The following SPATA13 variants were observed in gnomAD, a reference collection of about 807,000 sequenced individuals.
The protein encoded by SPATA13 is spermatogenesis associated 13, also known as spermatogenesis-associated protein 13.
Under a neutral mutation model 104.0 loss-of-function variants are expected in SPATA13, and 50 were observed. The ratio of observed to expected loss-of-function variants is 0.48; its 90% CI spans 0.38 to 0.61. SPATA13 has a LOEUF of 0.61. Ranked by LOEUF, SPATA13 falls within the 20% of genes least tolerant of loss-of-function variation. The pLI is 0.00. For missense variants in SPATA13, 1,524 were observed against 1,690.6 expected, an observed-to-expected ratio of 0.90 and a Z score of 1.73; for synonymous variants, 606 against 667.5, an observed-to-expected ratio of 0.91 and a Z score of 1.42.
At chr13:24,008,930 G>A (rs1876347956) in intron 2 of SPATA13, among the ~76,000 whole-genome samples, 1 of 152,212 alleles carries the variant, frequency 6.6e-6, no homozygotes. Flanking sequence ...GGGACCAAGT[G>A]CGGGAGGTGG....
rs923220118 is a variant in SPATA13, at chr13:24,300,489, A to C, written c.3658+14A>C. 1.4e-5 allele frequency: 23 copies of C among 1,612,762 alleles called. No homozygotes were observed. Among genetic ancestry groups the C allele is most frequent in the Non-Finnish European group, 2.0e-5 (23 of 1,178,820 alleles). On this transcript the variant is annotated intron_variant, in intron 12 of 12. Transcript: ENST00000382108. ...GAAAGTCAAAAGGTAAGTTATGGAG[A>C]AGGCTTTGTCCCCTTAATGCTTATC...
intron 3 of SPATA13, among the ~76,000 whole-genome samples, chr13:24,112,419 A>G (rs973790812): frequency 6.6e-6 from 1 of 152,342 alleles, no homozygotes; most frequent in Non-Finnish European, 1.5e-5. Context: ...ATCTCCAACC[A>G]GAACTTGAGC....
intron 1 of SPATA13, among the ~76,000 whole-genome samples, chr13:24,178,280 C>A (rs1302716006): frequency 1.3e-5 from 2 of 152,214 alleles, no homozygotes; most frequent in Non-Finnish European, 2.9e-5. Context: ...CCTCTGCCAC[C>A]TGTGAGCATG....
chr13:24,059,390 G>A (rs1042372046), intron 3 of SPATA13, among the ~76,000 whole-genome samples: 1 of 152,052 alleles, frequency 6.6e-6, no homozygotes, highest in Non-Finnish European at 1.5e-5. Context: ...CTAATGTAGA[G>A]GGAGTGCCTT....
Position 24,306,265 on chromosome 13 carries a change from G to T in SPATA13, c.*3492G>T, listed in dbSNP as rs958447973. ...GCCAGCTGAACCAGCATTTTATCAG[G>T]TGGAAATCTCTGCAAGCCAAATTGC... On this transcript the variant is annotated 3_prime_UTR_variant, in exon 13 of 13. Coordinates refer to ENST00000382108, the MANE Select transcript of SPATA13 (RefSeq NM_001166271.3). 2.6e-4 allele frequency: 39 copies of T among 152,158 alleles called. No homozygotes were observed. The highest frequency in any genetic ancestry group is 8.7e-4 in the African/African-American group (36 of 41,422). 9.4% of individuals were successfully genotyped at this position (152,158 alleles called of 1,614,324 possible). A position where few individuals can be genotyped will look rare whatever the true frequency, so the allele number is the denominator to read the frequency against.
At chr13:24,282,165 T>A (rs150798239) in intron 4 of SPATA13, among the ~76,000 whole-genome samples, 1 of 150,202 alleles carries the variant, frequency 6.7e-6, no homozygotes, top group African/African-American at 2.5e-5. Flanking sequence ...AGCATGATGG[T>A]GGGGGGTGGG....
At chr13:24,006,402 A>T (rs1876230276) in intron 2 of SPATA13, among the ~76,000 whole-genome samples, 1 of 152,234 alleles carries the variant, frequency 6.6e-6, no homozygotes, top group Admixed American at 6.5e-5. Flanking sequence ...TGTACACAGT[A>T]TAAATGAGCA....
Position 24,286,540 on chromosome 13 carries a change from G to A in SPATA13, c.2481+147G>A, listed in dbSNP as rs908961013. 28 of 1,017,948 alleles carry A rather than the reference G, an allele frequency of 2.8e-5. No homozygotes were observed. Among genetic ancestry groups the A allele is most frequent in the South Asian group, 3.5e-5 (2 of 57,528 alleles). The allele number at this position is 1,017,948 out of a possible 1,614,324, so 63.1% of individuals were successfully genotyped here. A position where few individuals can be genotyped will look rare whatever the true frequency, so the allele number is the denominator to read the frequency against. On this transcript the variant is annotated intron_variant, in intron 6 of 12. Coordinates refer to ENST00000382108, the MANE Select transcript of SPATA13 (RefSeq NM_001166271.3). This position sits in a 1 kb window ranked among gnomAD's most constrained non-coding sequence, Gnocchi z 4.9. ...CACCTGTAAGAAATTAGGCTGGGTC[G>A]GAGCAAAAATGTTAAAGGCAGGCAA...
intron 1 of SPATA13, among the ~76,000 whole-genome samples, chr13:24,180,276 T>A (rs1335458891): frequency 1.3e-5 from 2 of 152,212 alleles, no homozygotes; most frequent in Non-Finnish European, 2.9e-5. Context: ...ATGGTCTTAG[T>A]ATTCTTGTTG....
At chr13:24,238,279 C>T (rs1363349662) in intron 2 of SPATA13, among the ~76,000 whole-genome samples, 1 of 151,920 alleles carries the variant, frequency 6.6e-6, no homozygotes, top group African/African-American at 2.4e-5. Flanking sequence ...GCCTCAGCCT[C>T]TCAAGCAGCT....
chr13:24,219,662 T>C (rs1871459799), intron 1 of SPATA13, among the ~76,000 whole-genome samples: 1 of 152,122 alleles, frequency 6.6e-6, no homozygotes, highest in Non-Finnish European at 1.5e-5. Context: ...AACAATTTGA[T>C]GAGATGCCTG....
chr13:24,097,218 A>C (rs1345747518), intron 3 of SPATA13, among the ~76,000 whole-genome samples: 1 of 152,194 alleles, frequency 6.6e-6, no homozygotes, highest in Non-Finnish European at 1.5e-5. Flanking sequence ...ATGCACTGAC[A>C]GTTCACTATA....
chr13:24,295,050 A>G (rs959543505), intron 10 of SPATA13, among the ~76,000 whole-genome samples, 182 bp downstream of exon 10: 1 of 152,224 alleles, frequency 6.6e-6, no homozygotes, highest in Non-Finnish European at 1.5e-5. Context: ...CGACTACTTT[A>G]TACCCCACTC....
chr13:24,190,350 AT>A (rs796775312), intron 1 of SPATA13, among the ~76,000 whole-genome samples: 1 of 6,728 alleles, frequency 1.5e-4, no homozygotes, highest in African/African-American at 1.5e-4. Context: ...AATATATAAT[AT>A]TATATATTAT....
At chr13:23,988,436 G>A (rs1437576592) in intron 2 of SPATA13, among the ~76,000 whole-genome samples, 1 of 152,156 alleles carries the variant, frequency 6.6e-6, no homozygotes, top group Non-Finnish European at 1.5e-5. Flanking sequence ...CTGTGGATAG[G>A]CTTTCAGTTT....
chr13:24,139,806 G>A (rs528069673), intron 3 of SPATA13, among the ~76,000 whole-genome samples: 43 of 152,190 alleles, frequency 2.8e-4, no homozygotes, highest in African/African-American at 8.7e-4. Context: ...GGTGGCTCAC[G>A]TCTGTAATCC....
chr13:24,218,629 C>T (rs776746103), intron 1 of SPATA13, among the ~76,000 whole-genome samples: 6 of 151,984 alleles, frequency 3.9e-5, no homozygotes, highest in Non-Finnish European at 5.9e-5. Context: ...ACCAGTGGGC[C>T]GCAGGCTGCA....
At chr13:24,210,723 T>C (rs912281859) in intron 1 of SPATA13, among the ~76,000 whole-genome samples, 7 of 151,876 alleles carry the variant, frequency 4.6e-5, no homozygotes, top group Admixed American at 1.3e-4. Context: ...TCAAGATTGC[T>C]TTGTCCGTCT....
chr13:24,005,536 G>A (rs754554267), intron 2 of SPATA13, among the ~76,000 whole-genome samples: 7 of 152,010 alleles, frequency 4.6e-5, no homozygotes, highest in Non-Finnish European at 1.0e-4. Context: ...TGGAATCCTT[G>A]GTGAAAAAGG....
Sources: gnomAD v4.1 joint callset for allele counts (sites outside exome capture counted in the v4.1 genomes callset) on GRCh38, gnomAD v4.1.1 for gene constraint, Gnocchi (gnomAD v3.1) non-coding constraint, MANE v1.5 for transcripts, NCBI Gene and HGNC (gene_info 2026-07-23, HGNC 2026-07-21) for gene names.